The following NOS1 variants were observed in gnomAD, a reference collection of about 807,000 sequenced individuals.
NOS1 encodes the protein nitric oxide synthase 1.
NOS1 carries 51 observed loss-of-function variants against 164.5 expected under a neutral mutation model. The ratio of observed to expected loss-of-function variants is 0.31; its 90% CI spans 0.25 to 0.39. NOS1 has a LOEUF of 0.39. NOS1 is among the 10% of genes least tolerant of loss of function. The pLI is 1.00. For missense variants in NOS1, 1,362 were observed against 1,885.6 expected (o/e 0.72, Z 5.14); for synonymous variants, 719 against 745.8 (o/e 0.96, Z 0.59).
intron 7 of NOS1, 26 bp downstream of exon 7, chr12:117,285,215 C>T (rs1351615527): frequency 1.3e-6 from 2 of 1,563,082 alleles, no homozygotes; most frequent in Admixed American, 1.7e-5. Context: ...ACCTCCTGCT[C>T]CCCAGTGCCC....
At chr12:117,284,185 C>T (rs925149143) in intron 7 of NOS1, among the ~76,000 whole-genome samples, 8 of 152,186 alleles carry the variant, frequency 5.3e-5, no homozygotes, top group Non-Finnish European at 8.8e-5. Context: ...GAAGCCCGGG[C>T]GCTTGTGGGA....
In NOS1 at chr12:117,286,109, G is replaced by T; in HGVS notation, c.1285C>A (p.Leu429Met). 6.2e-7 allele frequency: 1 copy of T among 1,614,140 alleles called. No individual in the cohort carries two copies. Among genetic ancestry groups the T allele is most frequent in the Non-Finnish European group, 8.5e-7 (1 of 1,180,020 alleles). The change falls in exon 6 of 29, where the codon CTG (leucine) becomes ATG (methionine). Residue 429 changes from leucine (L) to methionine (M), a missense_variant. Physicochemically the swap from Leu to Met is conservative, Grantham distance 15. This residue lies in a region of NOS1 where 129 missense variants were observed against 186.0 expected (regional missense o/e 0.69). Coordinates refer to ENST00000317775, the MANE Select transcript of NOS1 (RefSeq NM_000620.5). The part of the protein sequence containing the change: ...RCVGRIQWSK[L>M]QVFDARDCTT... ...TATCTGACTTCACCACCTACCTGCA[G>T]CTTGGACCACTGGATCCTGCCCACA...
intron 1 of NOS1, among the ~76,000 whole-genome samples, chr12:117,345,275 G>A (rs528331827): frequency 7.2e-5 from 11 of 152,156 alleles, no homozygotes; most frequent in Admixed American, 6.5e-5. Flanking sequence ...CGTCTGCCTC[G>A]GCCTCCCAAA....
At chr12:117,298,020 C>CG (rs1006653313) in intron 3 of NOS1, among the ~76,000 whole-genome samples, 2 of 151,936 alleles carry the variant, frequency 1.3e-5, no homozygotes, top group South Asian at 4.2e-4. Context: ...GACTGGTGGT[C>CG]GGGGGCATGT....
intron 3 of NOS1, among the ~76,000 whole-genome samples, chr12:117,306,857 G>A (rs2136050193): frequency 6.6e-6 from 1 of 152,150 alleles, no homozygotes; most frequent in South Asian, 2.1e-4. Flanking sequence ...TGACCTCAGG[G>A]GATCTTCCCA....
rs924777776 is a variant in NOS1, at chr12:117,345,107, C to T, written c.-420-13618G>A. On this transcript the variant is annotated intron_variant, in intron 1 of 28. Coordinates refer to ENST00000317775, the MANE Select transcript of NOS1 (RefSeq NM_000620.5). The stretch of plus-strand genomic sequence containing the variant: ...AGTGCAGTGGCACAATCTCGGCTCA[C>T]TGCAACCTCCGCCTCCTGGGTTCAA... Among the ~76,000 whole-genome samples, 9 of 149,060 alleles carry T rather than the reference C, an allele frequency of 6.0e-5. No individual in the cohort carries two copies. In the South Asian group the frequency reaches 1.7e-3, roughly 28 times the overall value.
At chr12:117,275,134 C>T (rs555566485) in intron 9 of NOS1, among the ~76,000 whole-genome samples, 1 of 152,068 alleles carries the variant, frequency 6.6e-6, no homozygotes, top group African/African-American at 2.4e-5. Flanking sequence ...GTCTTATGTA[C>T]CGCATAAATA....
At chr12:117,285,155 G>T in intron 7 of NOS1, 86 bp downstream of exon 7, 1 of 718,402 alleles carries the variant, frequency 1.4e-6, no homozygotes, top group Non-Finnish European at 2.3e-6. Context: ...GCATTTCCCT[G>T]GCAGGTGAGC....
In NOS1 at chr12:117,223,414, A is replaced by G. The variant is rs553748111; in HGVS notation, c.3827-551T>C. On this transcript the variant is annotated intron_variant, in intron 25 of 28. Transcript: ENST00000317775. ...GTAGCTGGGATTACAGGTGCCTGCAACCGCGCCTGGCTAATTTTTGTATTT... is the reference window on the plus strand; with the variant it reads ...GTAGCTGGGATTACAGGTGCCTGCAGCCGCGCCTGGCTAATTTTTGTATTT... 1.7e-4 allele frequency among the ~76,000 whole-genome samples: 26 copies of G among 151,314 alleles called. No homozygotes were observed. In the East Asian group the frequency reaches 4.9e-3, roughly 29 times the overall value.
intron 18 of NOS1, among the ~76,000 whole-genome samples, chr12:117,245,303 G>C (rs908907708): frequency 1.3e-5 from 2 of 152,132 alleles, no homozygotes; most frequent in African/African-American, 4.8e-5. Context: ...CCCCAGAATG[G>C]CCAGTTTAGT....
Position 117,355,548 on chromosome 12 carries a change from C to T in NOS1, c.-421+5964G>A, listed in dbSNP as rs148422581. 3.8e-3 allele frequency among the ~76,000 whole-genome samples: 575 copies of T among 152,058 alleles called. 1 individual carries two copies. Among genetic ancestry groups the T allele is most frequent in the Non-Finnish European group, 6.6e-3 (451 of 67,976 alleles). The stretch of plus-strand genomic sequence containing the variant: ...GAAAAAAAATACTCTCCAAACAAAA[C>T]CCAACAAAACAATGCCCCCAATCCA... On this transcript the variant is annotated intron_variant, in intron 1 of 28. Coordinates refer to ENST00000317775, the MANE Select transcript of NOS1 (RefSeq NM_000620.5).
Position 117,243,520 on chromosome 12 carries a change from T to G in NOS1, c.2824-85A>C. 28 of 1,448,272 alleles carry G rather than the reference T, an allele frequency of 1.9e-5. No individual in the cohort carries two copies. The highest frequency in any genetic ancestry group is 2.6e-5 in the Non-Finnish European group (27 of 1,054,976). The allele number at this position is 1,448,272 out of a possible 1,614,324, so 89.7% of individuals were successfully genotyped here. Reference sequence around the variant, plus strand: ...AGCTCCAAGTCATGGCATGTATCTCTTCATTCACCCATCCATCCATCTATC... The same window carrying G: ...AGCTCCAAGTCATGGCATGTATCTCGTCATTCACCCATCCATCCATCTATC... On this transcript the variant is annotated intron_variant, in intron 18 of 28. Transcript: ENST00000317775. The surrounding 1 kb of genome is among the most constrained non-coding windows in gnomAD (Gnocchi z 4.3).
At chr12:117,319,435 T>C (rs1243393163) in intron 2 of NOS1, among the ~76,000 whole-genome samples, 1 of 152,210 alleles carries the variant, frequency 6.6e-6, no homozygotes, top group Non-Finnish European at 1.5e-5. Context: ...CTGTCACAAT[T>C]GTGACTTAAT....
intron 2 of NOS1, among the ~76,000 whole-genome samples, chr12:117,325,436 G>A (rs1375733986): frequency 6.6e-6 from 1 of 152,134 alleles, no homozygotes; most frequent in African/African-American, 2.4e-5. Context: ...TTACAAGGAT[G>A]GAGGTGGGGG....
At chr12:117,297,989 G>A (rs1171096995) in intron 3 of NOS1, among the ~76,000 whole-genome samples, 1 of 152,122 alleles carries the variant, frequency 6.6e-6, no homozygotes, top group Non-Finnish European at 1.5e-5. Flanking sequence ...GATCGGTTTT[G>A]TGGAAGACAA....
chr12:117,248,683 A>G (rs9658456), intron 17 of NOS1, among the ~76,000 whole-genome samples: 1,768 of 152,256 alleles, frequency 0.012, 22 homozygotes, highest in African/African-American at 0.04. Flanking sequence ...TTAAAGCAGC[A>G]TGATTTATAG....
rs1262199438 is a variant in NOS1, at chr12:117,214,756, G to A, written c.*553C>T. On this transcript the variant is annotated 3_prime_UTR_variant, in exon 29 of 29. Coordinates refer to ENST00000317775, the MANE Select transcript of NOS1 (RefSeq NM_000620.5). Reference sequence around the variant, plus strand: ...CCAGGGACACGTTTCTTGGCATTGAGGGTCTTCAATGAAAGCAGTGGCAAT... The same window carrying A: ...CCAGGGACACGTTTCTTGGCATTGAAGGTCTTCAATGAAAGCAGTGGCAAT... 1.0e-6 allele frequency: 1 copy of A among 985,236 alleles called. No individual in the cohort carries two copies. Among genetic ancestry groups the A allele is most frequent in the Non-Finnish European group, 1.2e-6 (1 of 830,026 alleles). 61.0% of individuals were successfully genotyped at this position (985,236 alleles called of 1,614,324 possible). A position where few individuals can be genotyped will look rare whatever the true frequency, so the allele number is the denominator to read the frequency against.
intron 1 of NOS1, among the ~76,000 whole-genome samples, chr12:117,358,215 CA>C (rs1876943466): frequency 6.6e-6 from 1 of 152,252 alleles, no homozygotes; most frequent in Admixed American, 6.5e-5. Context: ...CCTGGGAAAT[CA>C]GCGGCCCCCC....
chr12:117,358,284 T>C (rs1482177244), intron 1 of NOS1, among the ~76,000 whole-genome samples: 1 of 152,202 alleles, frequency 6.6e-6, no homozygotes, highest in Non-Finnish European at 1.5e-5. Context: ...CTTTGCATCT[T>C]ACTCACAGAG....
Sources: allele counts gnomAD v4.1 joint callset (sites outside exome capture counted in the v4.1 genomes callset), GRCh38; gene constraint gnomAD v4.1.1; regional missense constraint gnomAD v4.1.1; non-coding constraint Gnocchi (gnomAD v3.1); transcripts MANE v1.5; gene names NCBI Gene and HGNC (gene_info 2026-07-23, HGNC 2026-07-21).